The following KIAA1217 variants were observed in gnomAD, a reference collection of about 807,000 sequenced individuals.
KIAA1217 encodes sickle tail protein homolog.
Under a neutral mutation model 163.9 loss-of-function variants are expected in KIAA1217, and 88 were observed. The observed-to-expected ratio is 0.54, with a 90% CI of 0.45 to 0.64. The LOEUF (loss-of-function observed/expected upper bound fraction) is 0.64, where lower values mean the gene tolerates loss of function less well. Ranked by LOEUF, KIAA1217 falls within the 30% of genes least tolerant of loss-of-function variation. The pLI is 0.00. For synonymous variants in KIAA1217, 903 were observed against 923.1 expected (o/e 0.98, Z 0.39); for missense variants, 2,372 against 2,475.0 (o/e 0.96, Z 0.88).
In KIAA1217 at chr10:23,869,762, G is replaced by C. The variant is rs1840371794; in HGVS notation, c.-320-137463G>C. Among the ~76,000 whole-genome samples the C allele has an allele frequency of 2.6e-5, 4 of 152,168 alleles. No homozygotes were observed. In the South Asian group the frequency reaches 8.3e-4, roughly 32 times the overall value. On this transcript the variant is annotated intron_variant, in intron 1 of 18. Transcript: ENST00000376462. ...ACCACGGCCGCCAAGAATTCCACAT[G>C]ATTGATTTCATTATTTGTGAGCCTA...
chr10:23,760,668 T>G (rs1432521725), intron 1 of KIAA1217, among the ~76,000 whole-genome samples: 3 of 152,198 alleles, frequency 2.0e-5, no homozygotes, highest in African/African-American at 7.2e-5. Flanking sequence ...AAGTCAGGTG[T>G]GGTGGCTCAT....
chr10:24,449,752 C>A, intron 5 of KIAA1217: 34 of 985,032 alleles, frequency 3.5e-5, no homozygotes, highest in Non-Finnish European at 4.1e-5. Context: ...GAAAGGCTCA[C>A]GGAAAATGTA....
chr10:23,916,798 CCT>C (rs1382129512), intron 1 of KIAA1217, among the ~76,000 whole-genome samples: 1 of 151,852 alleles, frequency 6.6e-6, no homozygotes, highest in Non-Finnish European at 1.5e-5. Context: ...ATGGTGAAGC[CCT>C]GTCTTTAATA....
intron 2 of KIAA1217, among the ~76,000 whole-genome samples, chr10:24,141,853 C>T (rs924030356): frequency 7.8e-6 from 1 of 128,470 alleles, no homozygotes; most frequent in Non-Finnish European, 1.7e-5. Context: ...AACTGTGAGA[C>T]ATAAATTTCT....
chr10:24,396,219 C>A lies in KIAA1217; in HGVS notation c.553+15152C>A, dbSNP rs1015784419. On this transcript the variant is annotated intron_variant, in intron 3 of 20. Transcript: ENST00000376454. The stretch of plus-strand genomic sequence containing the variant: ...AGGTGTGGTGGCAGGCACCTGTAAT[C>A]CCAACTAGTCGGGAGGCTGTGGCAG... Among the ~76,000 whole-genome samples the A allele has an allele frequency of 2.6e-5, 4 of 152,196 alleles. No individual in the cohort carries two copies. The East Asian group carries it at 7.7e-4, about 29-fold the overall frequency.
intron 1 of KIAA1217, among the ~76,000 whole-genome samples, chr10:23,724,696 G>T (rs1193026768): frequency 6.6e-6 from 1 of 152,102 alleles, no homozygotes; most frequent in Non-Finnish European, 1.5e-5. Context: ...AGCCCTAAAT[G>T]GTCCCAGAAA....
intron 6 of KIAA1217, among the ~76,000 whole-genome samples, chr10:24,493,501 T>C (rs2066406507): frequency 6.6e-6 from 1 of 152,356 alleles, no homozygotes; most frequent in East Asian, 1.9e-4. Context: ...GTTGAAAACA[T>C]GGCAATAGTT....
chr10:24,157,084 A>G (rs2064911265), intron 2 of KIAA1217, among the ~76,000 whole-genome samples: 1 of 152,236 alleles, frequency 6.6e-6, no homozygotes, highest in Non-Finnish European at 1.5e-5. Context: ...TTAATAAATT[A>G]CAAAACTGTT....
intron 2 of KIAA1217, among the ~76,000 whole-genome samples, chr10:24,294,211 A>AAAG (rs1192221414): frequency 6.6e-6 from 1 of 151,572 alleles, no homozygotes; most frequent in South Asian, 2.1e-4. Flanking sequence ...AAAAAAAAAA[A>AAAG]AAGAAATAGT....
chr10:24,132,067 T>C (rs150746504), intron 2 of KIAA1217, among the ~76,000 whole-genome samples: 63 of 152,274 alleles, frequency 4.1e-4, no homozygotes, highest in African/African-American at 1.5e-3. Flanking sequence ...AACATATGGC[T>C]TTGCTATTTT....
chr10:23,702,464 C>T (rs1836522505), intron 1 of KIAA1217, among the ~76,000 whole-genome samples: 1 of 152,098 alleles, frequency 6.6e-6, no homozygotes, highest in Middle Eastern at 3.4e-3. Context: ...TTCCAGCTGC[C>T]TTGGGGAAAC....
intron 2 of KIAA1217, among the ~76,000 whole-genome samples, chr10:24,263,159 C>T (rs550064622): frequency 1.2e-4 from 18 of 152,128 alleles, no homozygotes; most frequent in Non-Finnish European, 2.4e-4. Context: ...GGATTGCCTG[C>T]AGGGCTTCAT....
At chr10:24,045,482 C>T (rs1848941760) in intron 2 of KIAA1217, among the ~76,000 whole-genome samples, 1 of 151,980 alleles carries the variant, frequency 6.6e-6, no homozygotes, top group African/African-American at 2.4e-5. Context: ...GGAGTTGGCT[C>T]TTGAATCTAC....
At chr10:24,534,726 C>T (rs963047242) in intron 16 of KIAA1217, among the ~76,000 whole-genome samples, 3 of 151,644 alleles carry the variant, frequency 2.0e-5, no homozygotes, top group African/African-American at 7.3e-5. Context: ...CTAAAAACTA[C>T]AAAAATTAGC....
At chr10:23,975,032 A>T (rs547353729) in intron 1 of KIAA1217, among the ~76,000 whole-genome samples, 4 of 152,272 alleles carry the variant, frequency 2.6e-5, no homozygotes, top group Admixed American at 2.6e-4. Flanking sequence ...CTCAATGCAC[A>T]TTGCAGACAG....
intron 2 of KIAA1217, among the ~76,000 whole-genome samples, chr10:24,079,923 A>G (rs1163102292): frequency 2.0e-5 from 3 of 152,206 alleles, no homozygotes; most frequent in Admixed American, 2.0e-4. Context: ...TGGCACATCC[A>G]AGACTGGCCC....
intron 1 of KIAA1217, among the ~76,000 whole-genome samples, chr10:23,972,892 G>T (rs1011814916): frequency 1.3e-5 from 2 of 152,086 alleles, no homozygotes; most frequent in Non-Finnish European, 2.9e-5. Flanking sequence ...TCACTCATAA[G>T]TGGGAGTTGA....
At chr10:23,837,431 T>C (rs1375005667) in intron 1 of KIAA1217, among the ~76,000 whole-genome samples, 1 of 152,216 alleles carries the variant, frequency 6.6e-6, no homozygotes, top group African/African-American at 2.4e-5. Context: ...TCCCCAAGGT[T>C]CTTCTTCACT....
At chr10:24,046,361 G>C (rs1006682107) in intron 2 of KIAA1217, among the ~76,000 whole-genome samples, 1 of 152,018 alleles carries the variant, frequency 6.6e-6, no homozygotes, top group Non-Finnish European at 1.5e-5. Flanking sequence ...TAGTCCTATT[G>C]CTATTCCTAT....
Sources: allele counts gnomAD v4.1 joint callset (sites outside exome capture counted in the v4.1 genomes callset), GRCh38; gene constraint gnomAD v4.1.1; transcripts MANE v1.5; gene names NCBI Gene and HGNC (gene_info 2026-07-23, HGNC 2026-07-21).